ASPRV1: variants seen among roughly 807,000 people sequenced by gnomAD.
ASPRV1 encodes aspartic peptidase retroviral like 1, also known as retroviral-like aspartic protease 1.
A neutral mutation model predicts 11.0 loss-of-function variants in ASPRV1; 7 were observed. That is an observed-to-expected ratio of 0.64 (90% confidence interval 0.36 to 1.20). ASPRV1 has a LOEUF of 1.20. Among genes scored for constraint, ASPRV1 ranks in the 50% most tolerant of loss-of-function variants. The pLI is 0.02. For synonymous variants in ASPRV1, 136 were observed against 138.4 expected (o/e 0.98, Z 0.12); for missense variants, 299 against 320.0 (o/e 0.93, Z 0.50).
At chr2:69,982,731 C>A in the ASPRV1 span, among the ~76,000 whole-genome samples, 1 of 152,138 alleles carries the variant, frequency 6.6e-6, no homozygotes, top group Non-Finnish European at 1.5e-5. Context: ...CTGCTTCCCC[C>A]CTTCTCAGGC....
At chr2:70,072,792 C>CTGTA in the ASPRV1 span, among the ~76,000 whole-genome samples, 1 of 151,556 alleles carries the variant, frequency 6.6e-6, no homozygotes, top group Non-Finnish European at 1.5e-5. Flanking sequence ...TGGCTCATGC[C>CTGTA]TGTAATCCCA....
At chr2:70,000,525 C>G in the ASPRV1 span, 1 of 151,416 alleles carries the variant, frequency 6.6e-6, no homozygotes, top group Non-Finnish European at 1.5e-5. Flanking sequence ...CTCGGTGGCT[C>G]ACGCCTGTAA....
At chr2:69,938,311 T>C in the ASPRV1 span, 4 of 1,610,108 alleles carry the variant, frequency 2.5e-6, no homozygotes, top group Non-Finnish European at 2.5e-6. Context: ...GCTGTCTCCT[T>C]GAAGGTTCTC....
At chr2:70,067,854 A>T in the ASPRV1 span, among the ~76,000 whole-genome samples, 2 of 152,222 alleles carry the variant, frequency 1.3e-5, no homozygotes, top group African/African-American at 4.8e-5. Context: ...TTGGTATTTT[A>T]AAAATATCAT....
chr2:69,935,418 C>G, the ASPRV1 span: 19 of 1,613,978 alleles, frequency 1.2e-5, 1 homozygote, highest in Admixed American at 3.2e-4. Flanking sequence ...CGAATCAAGT[C>G]GACACACTAC....
At chr2:70,035,654 A>C in the ASPRV1 span, among the ~76,000 whole-genome samples, 7 of 150,316 alleles carry the variant, frequency 4.7e-5, no homozygotes, top group East Asian at 1.4e-3. Context: ...TCCTCATACG[A>C]GATAATTACA....
At chr2:69,987,151 G>A in the ASPRV1 span, among the ~76,000 whole-genome samples, 2 of 152,170 alleles carry the variant, frequency 1.3e-5, no homozygotes, top group Admixed American at 1.3e-4. Flanking sequence ...TCTGGCCTGA[G>A]TGAGGGGAAG....
the ASPRV1 span, chr2:69,937,960 TG>T: frequency 1.3e-6 from 1 of 749,524 alleles, no homozygotes; most frequent in Non-Finnish European, 2.2e-6. Flanking sequence ...TTGGCCCAGC[TG>T]GTCTCAAACT....
At chr2:70,074,274 G>C in the ASPRV1 span, among the ~76,000 whole-genome samples, 2 of 150,128 alleles carry the variant, frequency 1.3e-5, no homozygotes, top group Non-Finnish European at 2.9e-5. Context: ...AGAGACTTCA[G>C]AGGCCATCTA....
the ASPRV1 span, among the ~76,000 whole-genome samples, chr2:70,016,552 A>C: frequency 6.6e-6 from 1 of 152,084 alleles, no homozygotes; most frequent in Non-Finnish European, 1.5e-5. Context: ...AAATTCAACA[A>C]CACATTAAAA....
the ASPRV1 span, chr2:69,975,615 G>GA: frequency 6.6e-6 from 1 of 152,450 alleles, no homozygotes; most frequent in East Asian, 1.9e-4. Context: ...GCTTCACCGG[G>GA]AAAATGTGGG....
chr2:70,038,357 T>G, the ASPRV1 span, among the ~76,000 whole-genome samples: 1 of 152,136 alleles, frequency 6.6e-6, no homozygotes, highest in African/African-American at 2.4e-5. Context: ...GCAACCAGGC[T>G]GGGCAACATA....
the ASPRV1 span, among the ~76,000 whole-genome samples, chr2:70,058,389 C>T: frequency 6.6e-6 from 1 of 151,778 alleles, no homozygotes; most frequent in Non-Finnish European, 1.5e-5. Context: ...ACTACAGGCA[C>T]GCGCCACTGC....
chr2:70,046,445 C>T, the ASPRV1 span: 1 of 151,686 alleles, frequency 6.6e-6, no homozygotes, highest in Non-Finnish European at 1.5e-5. Context: ...CTAGGCTTCC[C>T]ACATACAGGA....
chr2:70,039,974 G>A, the ASPRV1 span, among the ~76,000 whole-genome samples: 1 of 152,178 alleles, frequency 6.6e-6, no homozygotes, highest in Admixed American at 6.5e-5. Context: ...AGGAGGAGGA[G>A]GTTTGGAAAG....
the ASPRV1 span, among the ~76,000 whole-genome samples, chr2:69,967,556 C>A: frequency 8.5e-5 from 13 of 152,092 alleles, no homozygotes; most frequent in African/African-American, 3.1e-4. Flanking sequence ...GGATAGGATG[C>A]CTCGGAGAGA....
At chr2:69,991,649 G>A in the ASPRV1 span, among the ~76,000 whole-genome samples, 1 of 152,070 alleles carries the variant, frequency 6.6e-6, no homozygotes, top group Non-Finnish European at 1.5e-5. Context: ...CCGGGTTCAA[G>A]CGATTCTCCT....
the ASPRV1 span, chr2:69,997,034 C>T: frequency 4.9e-4 from 124 of 255,388 alleles, no homozygotes; most frequent in East Asian, 0.012. Context: ...AGTGGACACA[C>T]AAGGAGGCTG....
upstream of ASPRV1, among the ~76,000 whole-genome samples, chr2:69,966,096 T>G (rs908639068): frequency 1.3e-5 from 2 of 152,180 alleles, no homozygotes; most frequent in African/African-American, 4.8e-5. Context: ...TGGAGGTGTT[T>G]GGGGAGCAGT....
Sources: allele counts gnomAD v4.1 joint callset (sites outside exome capture counted in the v4.1 genomes callset), GRCh38; gene constraint gnomAD v4.1.1; transcripts MANE v1.5; gene names NCBI Gene and HGNC (gene_info 2026-07-23, HGNC 2026-07-21).